NTN4: variants seen among roughly 807,000 people sequenced by gnomAD.
The protein encoded by NTN4 is netrin-4.
In NTN4, 32 loss-of-function variants were observed where a neutral mutation model predicts 73.6. That is an observed-to-expected ratio of 0.44 (90% confidence interval 0.33 to 0.58). The LOEUF (loss-of-function observed/expected upper bound fraction) is 0.58. NTN4 is among the 20% of genes least tolerant of loss of function. The pLI is 0.04. For synonymous variants in NTN4, 258 were observed against 287.5 expected (o/e 0.90, Z 1.04); for missense variants, 654 against 798.3 (o/e 0.82, Z 2.18).
At chr12:95,702,465 T>C (rs919353767) in intron 5 of NTN4, among the ~76,000 whole-genome samples, 6 of 152,186 alleles carry the variant, frequency 3.9e-5, no homozygotes, top group Admixed American at 3.3e-4. Context: ...ACTTGCTGTA[T>C]CTTTTTCATT....
intron 2 of NTN4, among the ~76,000 whole-genome samples, chr12:95,741,821 T>C (rs2078829306): frequency 6.6e-6 from 1 of 151,974 alleles, no homozygotes; most frequent in Non-Finnish European, 1.5e-5. Flanking sequence ...TTTTGGACCA[T>C]GGTTGATGGT....
Position 95,764,387 on chromosome 12 carries a change from G to C in NTN4, c.585+22552C>G, listed in dbSNP as rs894492736. On this transcript the variant is annotated intron_variant, in intron 2 of 9. Coordinates refer to ENST00000343702, the MANE Select transcript of NTN4 (RefSeq NM_021229.4). The stretch of plus-strand genomic sequence containing the variant: ...GGCTTTTAAAGAAGGAGAGCTGGCC[G>C]GGCACAGTGGCTCACGCCTGTAATC... 3.3e-5 allele frequency among the ~76,000 whole-genome samples: 5 copies of C among 152,314 alleles called. No homozygotes were observed. In the East Asian group the frequency reaches 9.7e-4, roughly 29 times the overall value.
chr12:95,674,876 A>C (rs11108187), intron 7 of NTN4, among the ~76,000 whole-genome samples: 4,046 of 152,286 alleles, frequency 0.027, 200 homozygotes, highest in East Asian at 0.24. Flanking sequence ...GAGAGTCTGC[A>C]GTCATTCTGG....
intron 3 of NTN4, among the ~76,000 whole-genome samples, chr12:95,714,256 A>G (rs1042743703): frequency 5.3e-5 from 8 of 152,204 alleles, no homozygotes; most frequent in African/African-American, 1.7e-4. Flanking sequence ...GATAACTGAG[A>G]CTTGCAATGA....
intron 2 of NTN4, among the ~76,000 whole-genome samples, chr12:95,761,009 C>T (rs1379644644): frequency 2.0e-5 from 3 of 152,146 alleles, no homozygotes; most frequent in Admixed American, 2.0e-4. Context: ...GCAAGAATTG[C>T]TTCCTATATA....
intron 9 of NTN4, among the ~76,000 whole-genome samples, chr12:95,661,584 T>C (rs1395904790): frequency 2.0e-5 from 3 of 152,200 alleles, no homozygotes; most frequent in African/African-American, 7.2e-5. Flanking sequence ...GAGACACTGA[T>C]GGGAGGTTAT....
intron 7 of NTN4, chr12:95,672,891 T>G (rs2120952971): frequency 7.7e-7 from 1 of 1,306,164 alleles, no homozygotes; most frequent in Non-Finnish European, 1.1e-6. Flanking sequence ...TTGTCAAGCA[T>G]CTGGAAGGTC....
intron 2 of NTN4, among the ~76,000 whole-genome samples, chr12:95,738,559 G>A (rs1241448344): frequency 6.6e-6 from 1 of 152,196 alleles, no homozygotes; most frequent in Admixed American, 6.5e-5. Flanking sequence ...CGGACAGAGA[G>A]CAGGTGTGAG....
At chr12:95,695,403 C>T (rs139895597) in intron 5 of NTN4, among the ~76,000 whole-genome samples, 3,566 of 152,110 alleles carry the variant, frequency 0.023, 133 homozygotes, top group African/African-American at 0.082. Flanking sequence ...CTTGCTCTGT[C>T]GCCCAGGCTG....
chr12:95,672,299 G>A (rs533644248), intron 7 of NTN4: 38 of 771,126 alleles, frequency 4.9e-5, no homozygotes, highest in Non-Finnish European at 8.2e-5. Flanking sequence ...TCCCAAGCCC[G>A]CCGCCATGGC....
intron 5 of NTN4, among the ~76,000 whole-genome samples, chr12:95,693,002 T>TAA (rs900207936): frequency 4.1e-5 from 6 of 146,204 alleles, no homozygotes; most frequent in Admixed American, 1.4e-4. Flanking sequence ...CACCAAATGC[T>TAA]AAAAAAAAAA....
Position 95,790,276 on chromosome 12 carries a change from C to A in NTN4, c.34G>T (p.Gly12Cys). Residue 12 changes from glycine (G) to cysteine (C), a missense_variant, in exon 1 of 10, where the codon GGC (glycine) becomes TGC (cysteine). By Grantham distance (159) the Gly-to-Cys change is radical. Transcript: ENST00000343702. This position sits in a 1 kb window ranked among gnomAD's most constrained non-coding sequence, Gnocchi z 6.5. ...GSCARLLLLW[G>C]CTVVAAGLSG... ...CCACCTGCGGCCACCACCGTGCAGC[C>A]CCAGAGCAGCAGCAGCCGCGCGCAG... 1 of 1,536,308 alleles carries A rather than the reference C, an allele frequency of 6.5e-7. No individual in the cohort carries two copies. The highest frequency in any genetic ancestry group is 8.8e-7 in the Non-Finnish European group (1 of 1,141,540).
intron 3 of NTN4, among the ~76,000 whole-genome samples, chr12:95,714,973 T>C (rs1428967066): frequency 2.0e-5 from 3 of 152,154 alleles, no homozygotes; most frequent in Non-Finnish European, 4.4e-5. Flanking sequence ...GATATACTAC[T>C]GCTTGACCTA....
intron 5 of NTN4, among the ~76,000 whole-genome samples, chr12:95,689,600 C>T (rs559592097): frequency 2.0e-5 from 3 of 152,270 alleles, no homozygotes; most frequent in African/African-American, 4.8e-5. Context: ...TGGTATCTTC[C>T]TTGTTAAAGA....
chr12:95,659,284 C>G (rs2078117654), intron 9 of NTN4, 62 bp from the exon 10 acceptor site: 1 of 1,302,124 alleles, frequency 7.7e-7, no homozygotes. Context: ...AGAGATGTGA[C>G]TCCAGCAGGT....
chr12:95,672,190 G>A (rs1360907490), intron 7 of NTN4: 5 of 534,786 alleles, frequency 9.3e-6, no homozygotes, highest in Non-Finnish European at 1.7e-5. Flanking sequence ...GCACGCAGGC[G>A]CAATGGTCGG....
chr12:95,702,267 G>A (rs1207106174), intron 5 of NTN4, among the ~76,000 whole-genome samples: 1 of 141,124 alleles, frequency 7.1e-6, no homozygotes, highest in Non-Finnish European at 1.5e-5. Flanking sequence ...GCAACAGGGA[G>A]AGACTCCGTC....
rs540075796 is a variant in NTN4, at chr12:95,723,154, CA to C, written c.865-9817del. 7.0e-4 allele frequency among the ~76,000 whole-genome samples: 106 copies of C among 151,586 alleles called. 1 individual carries two copies. The highest frequency in any genetic ancestry group is 2.5e-4 in the Non-Finnish European group (17 of 67,934). ...AAAACAAATCTCTCTTTTGTGAGGCCAGCGATAGACTATCTTTATTGATAAC... is the reference window on the plus strand; with the variant it reads ...AAAACAAATCTCTCTTTTGTGAGGCCGCGATAGACTATCTTTATTGATAAC... On this transcript the variant is annotated intron_variant, in intron 3 of 9. Coordinates refer to ENST00000343702, the MANE Select transcript of NTN4 (RefSeq NM_021229.4).
At chr12:95,735,889 A>G (rs1468195480) in intron 3 of NTN4, among the ~76,000 whole-genome samples, 2 of 149,734 alleles carry the variant, frequency 1.3e-5, no homozygotes, top group South Asian at 2.1e-4. Flanking sequence ...ATGCCTGCTC[A>G]TGATTTTTTT....
Sources: gnomAD v4.1 joint callset for allele counts (sites outside exome capture counted in the v4.1 genomes callset) on GRCh38, gnomAD v4.1.1 for gene constraint, Gnocchi (gnomAD v3.1) non-coding constraint, MANE v1.5 for transcripts, NCBI Gene and HGNC (gene_info 2026-07-23, HGNC 2026-07-21) for gene names.